WASF2: variants seen among roughly 807,000 people sequenced by gnomAD.
WASF2 encodes WASP family member 2, also known as actin-binding protein WASF2.
In WASF2, 14 loss-of-function variants were observed where a neutral mutation model predicts 45.0. The observed-to-expected ratio is 0.31, with a 90% CI of 0.21 to 0.49. The LOEUF (loss-of-function observed/expected upper bound fraction) is 0.49. Ranked by LOEUF, WASF2 falls within the 20% of genes least tolerant of loss-of-function variation. The pLI is 0.99. For missense variants in WASF2, 439 were observed against 636.1 expected (o/e 0.69, Z 3.33); for synonymous variants, 200 against 236.3 (o/e 0.85, Z 1.41).
chr1:27,440,173 A>G (rs2017190328), intron 1 of WASF2, among the ~76,000 whole-genome samples: 1 of 152,208 alleles, frequency 6.6e-6, no homozygotes, highest in Non-Finnish European at 1.5e-5. Context: ...ATGGGTTTCT[A>G]CCATATTTCA....
At chr1:27,468,690 G>T (rs754394611) in intron 1 of WASF2, among the ~76,000 whole-genome samples, 1 of 146,012 alleles carries the variant, frequency 6.8e-6, no homozygotes, top group African/African-American at 2.5e-5. Context: ...TAAAAAAGAC[G>T]TAAAAGAGGC....
At chr1:27,463,320 A>AGT (rs1481293049) in intron 1 of WASF2, among the ~76,000 whole-genome samples, 2 of 152,150 alleles carry the variant, frequency 1.3e-5, no homozygotes, top group African/African-American at 4.8e-5. Flanking sequence ...TCACATCTGC[A>AGT]GTGGTACTGC....
chr1:27,427,662 A>G (rs2017004324), intron 2 of WASF2, among the ~76,000 whole-genome samples: 1 of 152,050 alleles, frequency 6.6e-6, no homozygotes, highest in Non-Finnish European at 1.5e-5. Context: ...GACTCCATAC[A>G]TCATCTGGTC....
intron 1 of WASF2, among the ~76,000 whole-genome samples, chr1:27,472,670 A>C (rs950887193): frequency 1.4e-5 from 2 of 145,364 alleles, no homozygotes; most frequent in Admixed American, 1.4e-4. Context: ...AAAAAAAAAA[A>C]AAAAGGGGAA....
intron 1 of WASF2, among the ~76,000 whole-genome samples, chr1:27,430,990 G>C (rs1216841749): frequency 6.6e-6 from 1 of 152,006 alleles, no homozygotes; most frequent in Non-Finnish European, 1.5e-5. Flanking sequence ...AGAACCCTTC[G>C]GAACAGACTG....
chr1:27,471,083 G>T (rs560098804), intron 1 of WASF2, among the ~76,000 whole-genome samples: 2 of 152,210 alleles, frequency 1.3e-5, no homozygotes, highest in East Asian at 3.9e-4. Flanking sequence ...GGTGGCTCAC[G>T]CCTGTAATCC....
chr1:27,474,246 T>C lies in WASF2; in HGVS notation c.-44+15740A>G, dbSNP rs2017734317. 2.0e-5 allele frequency among the ~76,000 whole-genome samples: 3 copies of C among 152,244 alleles called. No homozygotes were observed. In the South Asian group the frequency reaches 6.2e-4, roughly 32 times the overall value. ...ACATCATTCTCTTTACTTACATGTA[T>C]GCTTGATATTTTTTCATTAAAAAGT... On this transcript the variant is annotated intron_variant, in intron 1 of 8. Coordinates refer to ENST00000618852, the MANE Select transcript of WASF2 (RefSeq NM_006990.5).
At position 27,410,074 on chromosome 1, in the gene WASF2, T is replaced by C. The variant is rs765039213; in HGVS notation, c.957A>G (p.Pro319=). 3.1e-6 allele frequency: 5 copies of C among 1,612,466 alleles called. No individual in the cohort carries two copies. The highest frequency in any genetic ancestry group is 4.2e-6 in the Non-Finnish European group (5 of 1,179,268). ...GAGGCGGAGGTGGCGGAGGGGCAGG[T>C]GGTGGAGCAAACCCGGGTTTAGGGC... ...PPGPKPGFAP[P]PAPPPPPPPM... The change falls in exon 8 of 9, where the codon CCA becomes CCG. Residue 319 remains proline (P), a synonymous_variant. Transcript: ENST00000618852. This position sits in a 1 kb window ranked among gnomAD's most constrained non-coding sequence, Gnocchi z 4.2.
chr1:27,438,047 C>T (rs1041744979), intron 1 of WASF2, among the ~76,000 whole-genome samples: 1 of 152,180 alleles, frequency 6.6e-6, no homozygotes, highest in African/African-American at 2.4e-5. Flanking sequence ...AGAGAGTGCT[C>T]TCCAGTTGAT....
intron 8 of WASF2, among the ~76,000 whole-genome samples, chr1:27,408,872 T>G (rs2016715801): frequency 6.8e-6 from 1 of 147,526 alleles, no homozygotes. Flanking sequence ...TAAAAGAAAA[T>G]GGGAGAAAAA....
chr1:27,478,686 G>C (rs530043103), intron 1 of WASF2, among the ~76,000 whole-genome samples: 1 of 152,038 alleles, frequency 6.6e-6, no homozygotes, highest in Non-Finnish European at 1.5e-5. Flanking sequence ...AGGTTCAAGC[G>C]AGTCTCCTGC....
intron 1 of WASF2, among the ~76,000 whole-genome samples, chr1:27,436,696 TC>T (rs2017142401): frequency 6.6e-6 from 1 of 152,150 alleles, no homozygotes; most frequent in Non-Finnish European, 1.5e-5. Flanking sequence ...CCCACCCACT[TC>T]CTGTTGAAAT....
intron 3 of WASF2, among the ~76,000 whole-genome samples, 155 bp from the exon 4 acceptor site, chr1:27,418,577 CA>C (rs1251272687): frequency 6.6e-6 from 1 of 152,202 alleles, no homozygotes; most frequent in Non-Finnish European, 1.5e-5. Flanking sequence ...GGAAGCCCCA[CA>C]AGGCTGTCAG....
At chr1:27,438,071 T>C (rs1443597549) in intron 1 of WASF2, among the ~76,000 whole-genome samples, 2 of 152,130 alleles carry the variant, frequency 1.3e-5, no homozygotes, top group African/African-American at 4.8e-5. Flanking sequence ...ACCCAGAAAT[T>C]TGAGATAAGA....
chr1:27,441,924 CAAAA>C (rs1223064988), intron 1 of WASF2, among the ~76,000 whole-genome samples: 4 of 66,378 alleles, frequency 6.0e-5, no homozygotes, highest in Non-Finnish European at 3.1e-5. Context: ...GACTCCATCT[CAAAA>C]AAAAAAAAAA....
At chr1:27,470,249 T>C (rs947994328) in intron 1 of WASF2, among the ~76,000 whole-genome samples, 1 of 152,228 alleles carries the variant, frequency 6.6e-6, no homozygotes, top group African/African-American at 2.4e-5. Context: ...GCTGAGTTTG[T>C]ACTTTAGTCA....
chr1:27,411,738 C>T (rs2148098720), intron 7 of WASF2, among the ~76,000 whole-genome samples: 1 of 152,288 alleles, frequency 6.6e-6, no homozygotes. Flanking sequence ...TGGTGGGTGC[C>T]TGTAGTCCCA....
At chr1:27,418,563 C>T in intron 3 of WASF2, 141 bp from the exon 4 acceptor site, 1 of 1,164,468 alleles carries the variant, frequency 8.6e-7, no homozygotes, top group African/African-American at 1.5e-5. Flanking sequence ...CCCTCCCCCT[C>T]TGGGGAAGCC....
chr1:27,467,817 C>A, intron 1 of WASF2, among the ~76,000 whole-genome samples: 1 of 151,804 alleles, frequency 6.6e-6, no homozygotes, highest in South Asian at 2.1e-4. Flanking sequence ...GAGGCTGAGG[C>A]AGGAGAATCG....
Sources: gnomAD v4.1 joint callset for allele counts (sites outside exome capture counted in the v4.1 genomes callset) on GRCh38, gnomAD v4.1.1 for gene constraint, Gnocchi (gnomAD v3.1) non-coding constraint, MANE v1.5 for transcripts, NCBI Gene and HGNC (gene_info 2026-07-23, HGNC 2026-07-21) for gene names.